PTPRO: variants seen among roughly 807,000 people sequenced by gnomAD.
The protein encoded by PTPRO is protein tyrosine phosphatase receptor type O, also known as receptor-type tyrosine-protein phosphatase O.
In PTPRO, 62 loss-of-function variants were observed where a neutral mutation model predicts 145.2. The ratio of observed to expected loss-of-function variants is 0.43; its 90% CI spans 0.35 to 0.53. The LOEUF (loss-of-function observed/expected upper bound fraction) is 0.53. Ranked by LOEUF, PTPRO falls within the 20% of genes least tolerant of loss-of-function variation. PTPRO has a pLI of 0.01. For missense variants in PTPRO, 1,345 were observed against 1,482.7 expected, an observed-to-expected ratio of 0.91 and a Z score of 1.53; for synonymous variants, 565 against 514.7, an observed-to-expected ratio of 1.10 and a Z score of -1.32.
At chr12:15,464,002 G>A (rs1302439612) in intron 1 of PTPRO, among the ~76,000 whole-genome samples, 2 of 152,172 alleles carry the variant, frequency 1.3e-5, no homozygotes, top group African/African-American at 2.4e-5. Flanking sequence ...GCTGTATACT[G>A]TGATAGATGA....
intron 1 of PTPRO, among the ~76,000 whole-genome samples, chr12:15,433,962 G>T (rs542023096): frequency 6.6e-6 from 1 of 152,256 alleles, no homozygotes; most frequent in Admixed American, 6.5e-5. Context: ...GTTGGTCTGT[G>T]CCTTAAGTTT....
chr12:15,590,575 A>C (rs192911721), intron 25 of PTPRO, among the ~76,000 whole-genome samples: 1 of 152,058 alleles, frequency 6.6e-6, no homozygotes, highest in Non-Finnish European at 1.5e-5. Context: ...CGGCCGTCTC[A>C]GCTGTTTCTG....
chr12:15,457,473 C>T (rs1352498353), intron 1 of PTPRO, among the ~76,000 whole-genome samples: 2 of 152,106 alleles, frequency 1.3e-5, no homozygotes, highest in Admixed American at 1.3e-4. Context: ...AGAGTTTAAT[C>T]CATTTACCTT....
chr12:15,375,760 CAAAAA>C (rs529757376), intron 1 of PTPRO, among the ~76,000 whole-genome samples: 7 of 84,646 alleles, frequency 8.3e-5, no homozygotes, highest in Admixed American at 1.3e-4. Flanking sequence ...TGTCCCCCAC[CAAAAA>C]AAAAAAAAAA....
intron 1 of PTPRO, among the ~76,000 whole-genome samples, chr12:15,436,371 T>C (rs1411687226): frequency 6.6e-6 from 1 of 152,202 alleles, no homozygotes; most frequent in Non-Finnish European, 1.5e-5. Flanking sequence ...AGTAGTAATT[T>C]CTTTTTTATT....
chr12:15,497,991 G>T (rs886526053), intron 3 of PTPRO, among the ~76,000 whole-genome samples: 1 of 151,990 alleles, frequency 6.6e-6, no homozygotes, highest in Non-Finnish European at 1.5e-5. Context: ...GGTGGAAGGG[G>T]CTAGAGGGAG....
At chr12:15,356,544 G>GA (rs1937994972) in intron 1 of PTPRO, among the ~76,000 whole-genome samples, 1 of 152,176 alleles carries the variant, frequency 6.6e-6, no homozygotes, top group Admixed American at 6.5e-5. Flanking sequence ...GACATAGTAT[G>GA]AAAGAGAAAT....
chr12:15,384,446 T>C (rs774691236), intron 1 of PTPRO, among the ~76,000 whole-genome samples: 31 of 152,160 alleles, frequency 2.0e-4, no homozygotes, highest in Admixed American at 3.3e-4. Context: ...AAGATCGAGG[T>C]TCTGGCTGAT....
intron 1 of PTPRO, among the ~76,000 whole-genome samples, chr12:15,417,995 T>C (rs1176639264): frequency 1.3e-5 from 2 of 151,838 alleles, no homozygotes; most frequent in African/African-American, 4.9e-5. Context: ...TGTCATAATA[T>C]AGCAACTTTG....
chr12:15,531,844 A>C (rs1027579033), intron 12 of PTPRO, among the ~76,000 whole-genome samples: 8 of 152,150 alleles, frequency 5.3e-5, no homozygotes, highest in African/African-American at 1.9e-4. Flanking sequence ...TAGTGACATC[A>C]TTTTTTAAGA....
At chr12:15,480,102 G>A (rs992701004) in intron 1 of PTPRO, among the ~76,000 whole-genome samples, 2 of 152,086 alleles carry the variant, frequency 1.3e-5, no homozygotes, top group Admixed American at 6.5e-5. Context: ...AAAGGCCTTT[G>A]AATAACACAG....
intron 1 of PTPRO, among the ~76,000 whole-genome samples, chr12:15,371,327 G>T (rs1209338921): frequency 6.6e-6 from 1 of 151,810 alleles, no homozygotes; most frequent in Non-Finnish European, 1.5e-5. Flanking sequence ...CTGCTTCCTG[G>T]GTTCAAGCAA....
In PTPRO at chr12:15,341,166, G is replaced by A. The variant is rs955143034; in HGVS notation, c.75+18365G>A. ...TATTAGAGTATCTGCAAAAAATTGT[G>A]GAAGAACAACATTAACTCTTAATAC... On this transcript the variant is annotated intron_variant, in intron 1 of 26. Coordinates refer to ENST00000281171, the MANE Select transcript of PTPRO (RefSeq NM_030667.3). Among the ~76,000 whole-genome samples the A allele has an allele frequency of 2.6e-5, 4 of 152,040 alleles. No homozygotes were observed. In the East Asian group the frequency reaches 5.8e-4, roughly 22 times the overall value.
chr12:15,399,050 T>C (rs1939420557), intron 1 of PTPRO, among the ~76,000 whole-genome samples: 1 of 152,196 alleles, frequency 6.6e-6, no homozygotes, highest in Admixed American at 6.5e-5. Context: ...TCCAAATTAG[T>C]TGAAATTGGC....
chr12:15,452,723 A>G (rs1017574096), intron 1 of PTPRO, among the ~76,000 whole-genome samples: 1 of 152,214 alleles, frequency 6.6e-6, no homozygotes, highest in Admixed American at 6.5e-5. Context: ...TTTACACTAC[A>G]TAAACTGAAT....
chr12:15,355,850 G>A (rs190401341), intron 1 of PTPRO, among the ~76,000 whole-genome samples: 3 of 152,300 alleles, frequency 2.0e-5, no homozygotes, highest in East Asian at 3.9e-4. Flanking sequence ...CGTTTGAGGA[G>A]GTAGCTGGTA....
intron 1 of PTPRO, among the ~76,000 whole-genome samples, chr12:15,450,096 C>G (rs934383419): frequency 6.6e-6 from 1 of 152,132 alleles, no homozygotes; most frequent in Admixed American, 6.5e-5. Context: ...ATGTTCATGT[C>G]TTATGGCTCC....
At chr12:15,581,424 C>A (rs1255746088) in intron 22 of PTPRO, among the ~76,000 whole-genome samples, 1 of 151,626 alleles carries the variant, frequency 6.6e-6, no homozygotes, top group Non-Finnish European at 1.5e-5. Context: ...GCCTCAGCCT[C>A]CCGAGTAGCT....
At position 15,383,829 on chromosome 12, in the gene PTPRO, A is replaced by T. The variant is rs1938938675; in HGVS notation, c.75+61028A>T. On this transcript the variant is annotated intron_variant, in intron 1 of 26. Coordinates refer to ENST00000281171, the MANE Select transcript of PTPRO (RefSeq NM_030667.3). ...TAAAAGGTGTCAGACTCTCTGGAAA[A>T]GACCTAATAAGGGAAAGAGATGCTC... Among the ~76,000 whole-genome samples the T allele has an allele frequency of 2.0e-5, 3 of 152,356 alleles. No homozygotes were observed. The South Asian group carries it at 6.2e-4, about 32-fold the overall frequency.
Sources: allele counts gnomAD v4.1 joint callset (sites outside exome capture counted in the v4.1 genomes callset), GRCh38; gene constraint gnomAD v4.1.1; transcripts MANE v1.5; gene names NCBI Gene and HGNC (gene_info 2026-07-23, HGNC 2026-07-21).